The following MAP7 variants were observed in gnomAD, a reference collection of about 807,000 sequenced individuals.
The protein encoded by MAP7 is ensconsin.
Under a neutral mutation model 94.8 loss-of-function variants are expected in MAP7, and 52 were observed. The ratio of observed to expected loss-of-function variants is 0.55; its 90% CI spans 0.44 to 0.69. MAP7 has a LOEUF of 0.69. MAP7 is among the 30% of genes least tolerant of loss of function. MAP7 has a pLI of 0.00. For synonymous variants in MAP7, 350 were observed against 357.0 expected (o/e 0.98, Z 0.22); for missense variants, 940 against 964.6 (o/e 0.97, Z 0.34).
At chr6:136,361,229 C>T in intron 11 of MAP7, 50 bp from the exon 12 acceptor site, 1 of 1,592,600 alleles carries the variant, frequency 6.3e-7, no homozygotes, top group South Asian at 1.1e-5. Flanking sequence ...GAGGAGAAAT[C>T]TTTGAAGAGA....
chr6:136,509,927 C>T (rs1420879479), intron 1 of MAP7, among the ~76,000 whole-genome samples: 4 of 152,110 alleles, frequency 2.6e-5, no homozygotes, highest in Non-Finnish European at 5.9e-5. Context: ...ATATGCTGGG[C>T]GTGGTGGCTC....
At chr6:136,364,150 G>A (rs1237463652) in intron 10 of MAP7, 11 of 452,098 alleles carry the variant, frequency 2.4e-5, no homozygotes, top group Non-Finnish European at 3.9e-5. Flanking sequence ...TTCTGAGCTC[G>A]CCTGCATTCT....
At chr6:136,542,724 A>AC (rs983841906) in intron 1 of MAP7, among the ~76,000 whole-genome samples, 15 of 152,130 alleles carry the variant, frequency 9.9e-5, no homozygotes, top group Non-Finnish European at 2.1e-4. Context: ...AAAATTAAAA[A>AC]AAAAAAGAAA....
At chr6:136,430,414 T>C (rs1277506028) in intron 1 of MAP7, among the ~76,000 whole-genome samples, 1 of 152,222 alleles carries the variant, frequency 6.6e-6, no homozygotes, top group African/African-American at 2.4e-5. Context: ...AAAATAGTTC[T>C]AAACAGGGGA....
At chr6:136,458,823 A>G (rs2128906765) in intron 1 of MAP7, among the ~76,000 whole-genome samples, 1 of 152,250 alleles carries the variant, frequency 6.6e-6, no homozygotes, top group Admixed American at 6.5e-5. Context: ...AGATAGGGAG[A>G]AGGTTCATGA....
At chr6:136,366,699 A>C (rs1794417200) in intron 8 of MAP7, among the ~76,000 whole-genome samples, 1 of 152,214 alleles carries the variant, frequency 6.6e-6, no homozygotes, top group Non-Finnish European at 1.5e-5. Flanking sequence ...ATGTGTGTAC[A>C]TACTTTTAGA....
intron 3 of MAP7, among the ~76,000 whole-genome samples, chr6:136,391,730 T>C (rs1582770892): frequency 6.9e-6 from 1 of 144,680 alleles, no homozygotes; most frequent in African/African-American, 2.5e-5. Context: ...ACTGAAAAAA[T>C]AAATACCACT....
At chr6:136,527,759 G>A (rs1420678877) in intron 1 of MAP7, among the ~76,000 whole-genome samples, 1 of 152,168 alleles carries the variant, frequency 6.6e-6, no homozygotes, top group African/African-American at 2.4e-5. Flanking sequence ...AATGCTACCA[G>A]GAAGTACTTC....
chr6:136,473,867 G>A (rs1809897587), intron 1 of MAP7, among the ~76,000 whole-genome samples: 1 of 152,154 alleles, frequency 6.6e-6, no homozygotes, highest in Non-Finnish European at 1.5e-5. Flanking sequence ...TGCCTGCTGT[G>A]TTCCAGGAGC....
At chr6:136,364,026 T>C (rs1156310766) in intron 10 of MAP7, 2 of 232,324 alleles carry the variant, frequency 8.6e-6, no homozygotes, top group Non-Finnish European at 1.7e-5. Context: ...CAAGCTGCAC[T>C]CGGTCCCTCT....
At chr6:136,370,896 C>T (rs1378159718) in intron 8 of MAP7, among the ~76,000 whole-genome samples, 2 of 99,496 alleles carry the variant, frequency 2.0e-5, no homozygotes, top group Non-Finnish European at 2.0e-5. Context: ...GTAAATTTTA[C>T]GTTACATGCT....
intron 1 of MAP7, among the ~76,000 whole-genome samples, chr6:136,485,570 T>C (rs1043127011): frequency 4.8e-5 from 7 of 144,884 alleles, no homozygotes; most frequent in Non-Finnish European, 1.1e-4. Context: ...TTTTTTTTTT[T>C]TTTTTTTTTT....
At chr6:136,483,080 T>C (rs544031388) in intron 1 of MAP7, among the ~76,000 whole-genome samples, 3 of 148,038 alleles carry the variant, frequency 2.0e-5, no homozygotes, top group African/African-American at 7.4e-5. Flanking sequence ...TAGTTGTATA[T>C]ATATTTGTGA....
At chr6:136,400,073 C>T (rs1237344414) in intron 3 of MAP7, among the ~76,000 whole-genome samples, 2 of 151,812 alleles carry the variant, frequency 1.3e-5, no homozygotes, top group African/African-American at 4.8e-5. Flanking sequence ...TACCTCTACA[C>T]CACCAGCCCT....
chr6:136,392,281 A>G (rs1433845738), intron 3 of MAP7, among the ~76,000 whole-genome samples: 1 of 149,936 alleles, frequency 6.7e-6, no homozygotes, highest in African/African-American at 2.5e-5. Context: ...GTTTTGCCAT[A>G]TTGCCCAGGC....
At chr6:136,391,785 G>C (rs964993066) in intron 3 of MAP7, among the ~76,000 whole-genome samples, 3 of 151,852 alleles carry the variant, frequency 2.0e-5, no homozygotes, top group Non-Finnish European at 2.9e-5. Context: ...ACATAATTCT[G>C]ATACTTTCTT....
At chr6:136,384,545 A>G (rs1270055340) in intron 5 of MAP7, among the ~76,000 whole-genome samples, 1 of 150,926 alleles carries the variant, frequency 6.6e-6, no homozygotes, top group African/African-American at 2.4e-5. Flanking sequence ...CCAGGCTGGC[A>G]TGATCATAGC....
chr6:136,487,441 T>C (rs1030675169), intron 1 of MAP7, among the ~76,000 whole-genome samples: 6 of 152,150 alleles, frequency 3.9e-5, no homozygotes, highest in African/African-American at 1.4e-4. Context: ...CCAGGTGCAG[T>C]GGCTCACACC....
rs1296210233 is a variant in MAP7, at chr6:136,505,269, GTGTGTGTGTATATATATATA to G, written c.67+45053_67+45072del. ...CCATGTAATGTGTGTGTGTGTGTGT[GTGTGTGTGTATATATATATA>G]TATATATATATATATATATATATAG... On this transcript the variant is annotated intron_variant, in intron 1 of 17. Coordinates refer to ENST00000354570, the MANE Select transcript of MAP7 (RefSeq NM_003980.6). Among the ~76,000 whole-genome samples the G allele has an allele frequency of 6.4e-4, 64 of 99,468 alleles. No individual in the cohort carries two copies. The East Asian group carries it at 0.023, about 36-fold the overall frequency. The allele number at this position is 99,468 out of a possible 152,430, so 65.3% of individuals were successfully genotyped here.
Sources: allele counts gnomAD v4.1 joint callset (sites outside exome capture counted in the v4.1 genomes callset), GRCh38; gene constraint gnomAD v4.1.1; transcripts MANE v1.5; gene names NCBI Gene and HGNC (gene_info 2026-07-23, HGNC 2026-07-21).